Variants in APOH observed in about 807,000 individuals in gnomAD.
APOH encodes the protein beta-2-glycoprotein 1.
Under a neutral mutation model 39.8 loss-of-function variants are expected in APOH, and 48 were observed. The observed-to-expected ratio is 1.21, with a 90% CI of 0.96 to 1.54. APOH has a LOEUF of 1.54. Among genes scored for constraint, APOH ranks in the 40% most tolerant of loss-of-function variants. The pLI, the probability that APOH is intolerant of heterozygous loss-of-function variation, is 0.00. For missense variants in APOH, 415 were observed against 421.2 expected (o/e 0.99, Z 0.13); for synonymous variants, 153 against 151.1 (o/e 1.01, Z -0.09).
rs556153313 is a variant in APOH at position 66,223,450 on chromosome 17, G to C, written c.415+248C>G. Among the ~76,000 whole-genome samples the C allele has an allele frequency of 2.8e-3, 432 of 152,298 alleles. 3 individuals are homozygous for C. Among genetic ancestry groups the C allele is most frequent in the African/African-American group, 0.01 (422 of 41,568 alleles). On this transcript the variant is annotated intron_variant, in intron 4 of 7. Transcript: ENST00000205948. ...GGAGTCAACACACCCAGAAATGACT[G>C]GCTTAGATAGAGTAATGACCGCGAG...
chr17:66,215,052 C>G (rs543177861), intron 6 of APOH, among the ~76,000 whole-genome samples: 18 of 152,228 alleles, frequency 1.2e-4, no homozygotes, highest in African/African-American at 4.3e-4. Flanking sequence ...GATAACAGCT[C>G]ATAAATACTC....
chr17:66,216,432 C>T (rs1055338707), intron 6 of APOH, among the ~76,000 whole-genome samples: 5 of 149,940 alleles, frequency 3.3e-5, no homozygotes, highest in Non-Finnish European at 7.4e-5. Flanking sequence ...GGCAGTGAGC[C>T]GAGATCACGC....
In APOH at chr17:66,229,323, T is replaced by C; in HGVS notation, c.57A>G (p.Ala19=). The change falls in exon 1 of 8, where the codon GCA becomes GCG. Residue 19 remains alanine, a synonymous_variant. Coordinates refer to ENST00000205948, the MANE Select transcript of APOH (RefSeq NM_000042.3). Reference sequence around the variant, plus strand: ...AAAGCAAAAAGTACTTACTCCGTCCTGCAATAGCAACATGGCAGAGAAAAC... The same window carrying C: ...AAAGCAAAAAGTACTTACTCCGTCCCGCAATAGCAACATGGCAGAGAAAAC... ...FSSFLCHVAI[A]GRTCPKPDDL... 6.2e-7 allele frequency: 1 copy of C among 1,613,436 alleles called. No homozygotes were observed. Among genetic ancestry groups the C allele is most frequent in the South Asian group, 1.1e-5 (1 of 91,002 alleles).
rs1258002112 is a variant in APOH at position 66,226,044 on chromosome 17, A to C, written c.322T>G (p.Phe108Val). The C allele has an allele frequency of 6.2e-7, 1 of 1,612,034 alleles. No individual in the cohort carries two copies. Among genetic ancestry groups the C allele is most frequent in the Admixed American group, 1.7e-5 (1 of 59,752 alleles). The change falls in exon 3 of 8, where the codon TTT becomes GTT. Residue 108 changes from phenylalanine to valine, a missense_variant. Physicochemically the swap from Phe to Val is conservative, Grantham distance 50 (BLOSUM62 -1). Transcript: ENST00000205948. ...AGTTCTTACCCAGTGTTACAAGAAAAACTGATCGTGTTGGGATATTCAAAA... is the reference window on the plus strand; with the variant it reads ...AGTTCTTACCCAGTGTTACAAGAAACACTGATCGTGTTGGGATATTCAAAA... ...TTFEYPNTIS[F>V]SCNTGFYLNG...
chr17:66,218,496 A>T (rs2073378886), intron 5 of APOH, among the ~76,000 whole-genome samples: 1 of 152,024 alleles, frequency 6.6e-6, no homozygotes, highest in East Asian at 1.9e-4. Context: ...TTTAGTAGAG[A>T]CGGGGTTTCA....
chr17:66,229,112 T>A (rs2073457664), intron 1 of APOH, among the ~76,000 whole-genome samples: 1 of 152,036 alleles, frequency 6.6e-6, no homozygotes, highest in Non-Finnish European at 1.5e-5. Flanking sequence ...AATTTTTGTA[T>A]TTTTCATAAA....
At chr17:66,213,394 G>A (rs541421415) in intron 7 of APOH, among the ~76,000 whole-genome samples, 1 of 152,212 alleles carries the variant, frequency 6.6e-6, no homozygotes, top group South Asian at 2.1e-4. Context: ...TTGCTCTAAT[G>A]GATACTTTTC....
In APOH at chr17:66,216,792, AC is replaced by A; in HGVS notation, c.779del (p.Cys260LeufsTer9). The stretch of plus-strand genomic sequence containing the variant: ...ACCTCGCCTATATTTCCATACCTTT[AC>A]AACTTGGCATGGCAGACCAGTTTCC... The part of the protein sequence containing the change: ...KLGNWSAMPS[C>X]KASCKVPVKK... On this transcript the variant is annotated frameshift_variant, in exon 6 of 8. Coordinates refer to ENST00000205948, the MANE Select transcript of APOH (RefSeq NM_000042.3). LOFTEE classifies it high-confidence loss of function. The A allele has an allele frequency of 6.3e-7, 1 of 1,597,168 alleles. No individual in the cohort carries two copies. Among genetic ancestry groups the A allele is most frequent in the Non-Finnish European group, 8.5e-7 (1 of 1,173,186 alleles).
rs2073385028 is a variant in APOH at position 66,219,554 on chromosome 17, A to C, written c.604+1000T>G. On this transcript the variant is annotated intron_variant, in intron 5 of 7. Transcript: ENST00000205948. ...TGTTATTGGTAGCTCCTCCATGCTGAAAATCACTTATGTTTTGAATCGTTC... is the reference window on the plus strand; with the variant it reads ...TGTTATTGGTAGCTCCTCCATGCTGCAAATCACTTATGTTTTGAATCGTTC... 1.3e-5 allele frequency among the ~76,000 whole-genome samples: 2 copies of C among 152,220 alleles called. 1 individual carries two copies. The highest frequency in any genetic ancestry group is 4.1e-4 in the South Asian group (2 of 4,836).
At chr17:66,218,030 G>A (rs2073375868) in intron 5 of APOH, among the ~76,000 whole-genome samples, 3 of 152,150 alleles carry the variant, frequency 2.0e-5, no homozygotes, top group Admixed American at 2.0e-4. Flanking sequence ...GGAAGCCAGT[G>A]AATAAATGTA....
In APOH at chr17:66,214,471, C is replaced by G; in HGVS notation, c.964G>C (p.Val322Leu). Residue 322 changes from valine (V) to leucine (L), a missense_variant, in exon 7 of 8, where the codon GTC becomes CTC. Val to Leu is a conservative substitution (Grantham distance 32, BLOSUM62 1). This residue lies in a region of APOH where 120 missense variants were observed against 110.6 expected (regional missense o/e 1.08). Coordinates refer to ENST00000205948, the MANE Select transcript of APOH (RefSeq NM_000042.3). ...GACTTACCCTTGAAGCATTTGGGGA[C>G]TTCGATAGTGCCATCTATACACTGA... ...DAQCIDGTIE[V>L]PKCFKEHSSL... The G allele has an allele frequency of 6.2e-7, 1 of 1,613,806 alleles. No individual in the cohort carries two copies. Among genetic ancestry groups the G allele is most frequent in the Non-Finnish European group, 8.5e-7 (1 of 1,179,928 alleles).
intron 5 of APOH, among the ~76,000 whole-genome samples, chr17:66,219,422 G>C (rs905629540): frequency 1.3e-5 from 2 of 151,820 alleles, no homozygotes; most frequent in South Asian, 4.2e-4. Context: ...GAAAAAAAAA[G>C]GAACCTACTT....
intron 5 of APOH, among the ~76,000 whole-genome samples, chr17:66,218,566 C>A (rs1183845813): frequency 6.6e-6 from 1 of 152,102 alleles, no homozygotes; most frequent in East Asian, 1.9e-4. Context: ...CTCGGCCTCC[C>A]AAAGTGCAGA....
chr17:66,222,489 C>A (rs8178843), intron 4 of APOH, among the ~76,000 whole-genome samples: 51,719 of 151,472 alleles, frequency 0.34, 10,258 homozygotes, highest in East Asian at 0.76. Context: ...CTTAATTTGT[C>A]CTTTAAAAAC....
At chr17:66,218,411 C>T (rs556483640) in intron 5 of APOH, among the ~76,000 whole-genome samples, 5 of 151,876 alleles carry the variant, frequency 3.3e-5, no homozygotes, top group Admixed American at 2.6e-4. Flanking sequence ...CTGGTTCAAG[C>T]GATTCTCCTG....
intron 4 of APOH, among the ~76,000 whole-genome samples, chr17:66,221,625 T>A (rs1014214385): frequency 6.6e-6 from 1 of 152,136 alleles, no homozygotes; most frequent in East Asian, 1.9e-4. Context: ...TAATGGCTGG[T>A]GACAGCAACT....
chr17:66,216,270 G>A (rs1322707209), intron 6 of APOH, among the ~76,000 whole-genome samples: 1 of 151,974 alleles, frequency 6.6e-6, no homozygotes, highest in African/African-American at 2.4e-5. Context: ...ATCACCTGAG[G>A]TCAGGAGTTC....
intron 5 of APOH, among the ~76,000 whole-genome samples, chr17:66,217,814 G>T (rs2073374773): frequency 6.6e-6 from 1 of 151,950 alleles, no homozygotes; most frequent in Admixed American, 6.6e-5. Flanking sequence ...GTGGTGGCAT[G>T]CACCTGTAAT....
intron 1 of APOH, 150 bp from the exon 2 acceptor site, chr17:66,228,346 AT>A (rs2073452376): frequency 1.3e-6 from 1 of 760,524 alleles, no homozygotes; most frequent in Non-Finnish European, 2.1e-6. Context: ...ATCTCATCTA[AT>A]CCCCTCAACA....
Sources: gnomAD v4.1 joint callset for allele counts (sites outside exome capture counted in the v4.1 genomes callset) on GRCh38, gnomAD v4.1.1 for gene constraint, gnomAD v4.1.1 regional missense constraint, MANE v1.5 for transcripts, NCBI Gene and HGNC (gene_info 2026-07-23, HGNC 2026-07-21) for gene names.